PPHLN1: variants seen among roughly 807,000 people sequenced by gnomAD.
PPHLN1 encodes the protein periphilin 1, also known as periphilin-1.
PPHLN1 carries 29 observed loss-of-function variants against 51.3 expected under a neutral mutation model. The ratio of observed to expected loss-of-function variants is 0.57; its 90% CI spans 0.42 to 0.77. The LOEUF (loss-of-function observed/expected upper bound fraction) is 0.77. Ranked by LOEUF, PPHLN1 falls within the 30% of genes least tolerant of loss-of-function variation. PPHLN1 has a pLI of 0.00. For missense variants in PPHLN1, 436 were observed against 438.4 expected, an observed-to-expected ratio of 0.99 and a Z score of 0.05; for synonymous variants, 147 against 147.8, an observed-to-expected ratio of 0.99 and a Z score of 0.04.
intron 7 of PPHLN1, among the ~76,000 whole-genome samples, chr12:42,390,200 A>T (rs1044214462): frequency 6.6e-6 from 1 of 152,054 alleles, no homozygotes; most frequent in African/African-American, 2.4e-5. Flanking sequence ...CCTCAGGAGG[A>T]AAAAAACAGC....
chr12:42,383,850 C>T (rs996169747), intron 5 of PPHLN1, among the ~76,000 whole-genome samples: 7 of 151,352 alleles, frequency 4.6e-5, no homozygotes, highest in African/African-American at 7.3e-5. Flanking sequence ...CAGGTGTGGT[C>T]GCAGGTGCCT....
At chr12:42,351,786 A>G in intron 2 of PPHLN1, 99 bp from the exon 3 acceptor site, 1 of 925,078 alleles carries the variant, frequency 1.1e-6, no homozygotes, top group Non-Finnish European at 1.5e-6. Flanking sequence ...CATTTAGCTC[A>G]TTCGATTAAG....
downstream of PPHLN1, chr12:42,445,510 A>C: frequency 5.1e-6 from 1 of 195,274 alleles, no homozygotes; most frequent in Non-Finnish European, 1.0e-5. Context: ...ATTAGCGCAC[A>C]TGCTCTTCCT....
At chr12:42,431,760 A>G in intron 9 of PPHLN1, 1 of 1,030,626 alleles carries the variant, frequency 9.7e-7, no homozygotes, top group Non-Finnish European at 1.5e-6. Flanking sequence ...TAGCTTAGAA[A>G]TGTCATTGCC....
rs142071178 is a variant in PPHLN1, at chr12:42,372,449, C to G, written c.300-2414C>G. Among the ~76,000 whole-genome samples, 7 of 152,294 alleles carry G rather than the reference C, an allele frequency of 4.6e-5. No homozygotes were observed. In the East Asian group the frequency reaches 1.4e-3, roughly 29 times the overall value. On this transcript the variant is annotated intron_variant, in intron 4 of 9. Transcript: ENST00000358314. ...TAGAGGAAGGTAGGCAATCTTTCCTCTCTATCCTGTAAGCAAGTTACCAAT... is the reference window on the plus strand; with the variant it reads ...TAGAGGAAGGTAGGCAATCTTTCCTGTCTATCCTGTAAGCAAGTTACCAAT...
At chr12:42,404,659 TTTG>T (rs1344411317) in intron 9 of PPHLN1, among the ~76,000 whole-genome samples, 1 of 152,200 alleles carries the variant, frequency 6.6e-6, no homozygotes, top group African/African-American at 2.4e-5. Context: ...CTTCTTTTGT[TTTG>T]TTGTTGTTTA....
At chr12:42,340,979 C>G (rs1414697510) in intron 2 of PPHLN1, among the ~76,000 whole-genome samples, 1 of 143,524 alleles carries the variant, frequency 7.0e-6, no homozygotes, top group Non-Finnish European at 1.5e-5. Context: ...TTCTTTCTTT[C>G]TTTCTTTTTT....
At chr12:42,440,021 T>C (rs2139990274) in intron 9 of PPHLN1, among the ~76,000 whole-genome samples, 1 of 151,656 alleles carries the variant, frequency 6.6e-6, no homozygotes, top group Middle Eastern at 3.5e-3. Context: ...ACTTGTATTT[T>C]AACAGTATTG....
intron 4 of PPHLN1, among the ~76,000 whole-genome samples, chr12:42,369,397 C>T (rs2075586849): frequency 6.6e-6 from 1 of 152,070 alleles, no homozygotes; most frequent in Non-Finnish European, 1.5e-5. Context: ...GTTTTGCTTT[C>T]CTGAATGACA....
intron 9 of PPHLN1, among the ~76,000 whole-genome samples, chr12:42,438,759 G>A (rs979348227): frequency 1.3e-5 from 2 of 151,958 alleles, no homozygotes; most frequent in African/African-American, 2.4e-5. Flanking sequence ...GCGTCACCAC[G>A]CCCGGCTAAT....
chr12:42,445,506 G>A (rs114211895), downstream of PPHLN1: 2,048 of 194,730 alleles, frequency 0.011, 46 homozygotes, highest in African/African-American at 0.044. Context: ...CCTAATTAGC[G>A]CACATGCTCT....
intron 5 of PPHLN1, among the ~76,000 whole-genome samples, chr12:42,378,313 A>G (rs969068223): frequency 6.6e-6 from 1 of 152,110 alleles, no homozygotes; most frequent in Non-Finnish European, 1.5e-5. Flanking sequence ...AATCTTGCAA[A>G]AAAGTGAATG....
At chr12:42,377,879 T>G in intron 5 of PPHLN1, among the ~76,000 whole-genome samples, 1 of 152,176 alleles carries the variant, frequency 6.6e-6, no homozygotes, top group East Asian at 1.9e-4. Flanking sequence ...TGGCCAAAAC[T>G]CTAAGATCTT....
Position 42,364,231 on chromosome 12 carries a change from AAAT to A in PPHLN1, c.299+9017_299+9019del, listed in dbSNP as rs371340854. The stretch of plus-strand genomic sequence containing the variant: ...AAGAGCAAAACTCTGTCTCAAAATA[AAAT>A]AATAATAGTAATAAATCTTAGGATG... On this transcript the variant is annotated intron_variant, in intron 4 of 9. Coordinates refer to ENST00000358314, the MANE Select transcript of PPHLN1 (RefSeq NM_201439.2). Among the ~76,000 whole-genome samples, 712 of 152,280 alleles carry A rather than the reference AAAT, an allele frequency of 4.7e-3. 7 individuals are homozygous for A. Among genetic ancestry groups the A allele is most frequent in the African/African-American group, 0.016 (681 of 41,538 alleles).
chr12:42,345,511 G>A (rs2072177200), intron 2 of PPHLN1, among the ~76,000 whole-genome samples: 1 of 151,518 alleles, frequency 6.6e-6, no homozygotes, highest in Admixed American at 6.6e-5. Flanking sequence ...CTTTGGAGTA[G>A]CAAATCCAAT....
chr12:42,408,714 G>A (rs2079536951), intron 9 of PPHLN1, among the ~76,000 whole-genome samples: 1 of 152,162 alleles, frequency 6.6e-6, no homozygotes, highest in African/African-American at 2.4e-5. Flanking sequence ...AATGAAGTGA[G>A]TATGTATATT....
In PPHLN1 at chr12:42,397,740, G is replaced by A. The variant is rs577429587; in HGVS notation, c.769-1114G>A. ...CAAACTTCTTTAAAAAAAAAACTAG[G>A]TTTGTTTGTTTTTTGAGACAGTGTC... On this transcript the variant is annotated intron_variant, in intron 8 of 9. Transcript: ENST00000358314. Among the ~76,000 whole-genome samples, 415 of 152,118 alleles carry A rather than the reference G, an allele frequency of 2.7e-3. 1 individual carries two copies. The highest frequency in any genetic ancestry group is 4.4e-3 in the Non-Finnish European group (302 of 67,980).
chr12:42,380,423 T>C (rs2076658282), intron 5 of PPHLN1, among the ~76,000 whole-genome samples: 2 of 152,064 alleles, frequency 1.3e-5, no homozygotes, highest in Admixed American at 1.3e-4. Context: ...TGTTAGTCAT[T>C]AGTGTTTAAT....
At chr12:42,331,310 G>T (rs2069696082) in intron 1 of PPHLN1, among the ~76,000 whole-genome samples, 1 of 152,232 alleles carries the variant, frequency 6.6e-6, no homozygotes, top group Admixed American at 6.5e-5. Context: ...TTGGAATGCA[G>T]AGTTACTATA....
Sources: gnomAD v4.1 joint callset for allele counts (sites outside exome capture counted in the v4.1 genomes callset) on GRCh38, gnomAD v4.1.1 for gene constraint, MANE v1.5 for transcripts, NCBI Gene and HGNC (gene_info 2026-07-23, HGNC 2026-07-21) for gene names.